Variants in ZNF469 observed in about 807,000 individuals in gnomAD.
ZNF469 encodes zinc finger protein 469.
A neutral mutation model predicts 1.0 loss-of-function variants in ZNF469; 1 was observed. The ratio of observed to expected loss-of-function variants is 1.00; its 90% CI spans 0.35 to 4.73. ZNF469 has a LOEUF of 4.73. ZNF469 is among the 30% of genes most tolerant of loss of function. The pLI is 0.16. For missense variants in ZNF469, 6,100 were observed against 5,356.3 expected (o/e 1.14, Z -4.33); for synonymous variants, 2,703 against 2,363.4 (o/e 1.14, Z -4.17).
chr16:88,264,721 C>G, the ZNF469 span, among the ~76,000 whole-genome samples: 1 of 152,114 alleles, frequency 6.6e-6, no homozygotes, highest in African/African-American at 2.4e-5. Context: ...CACAGGTCCC[C>G]GCTCCCCCGA....
At chr16:88,353,553 T>C in the ZNF469 span, among the ~76,000 whole-genome samples, 1 of 152,218 alleles carries the variant, frequency 6.6e-6, no homozygotes, top group Non-Finnish European at 1.5e-5. Context: ...CACTGCTGCC[T>C]GCCCAGAGAG....
the ZNF469 span, among the ~76,000 whole-genome samples, chr16:88,216,680 T>C: frequency 6.6e-6 from 1 of 152,200 alleles, no homozygotes; most frequent in Non-Finnish European, 1.5e-5. Flanking sequence ...TTTATCATGC[T>C]TCTGATTGAA....
At chr16:88,114,031 G>C in the ZNF469 span, among the ~76,000 whole-genome samples, 1 of 152,156 alleles carries the variant, frequency 6.6e-6, no homozygotes, top group Non-Finnish European at 1.5e-5. Context: ...GGCTAAGGAA[G>C]GGTCTCCCCC....
At chr16:88,317,101 G>T in the ZNF469 span, among the ~76,000 whole-genome samples, 1 of 152,178 alleles carries the variant, frequency 6.6e-6, no homozygotes, top group African/African-American at 2.4e-5. Flanking sequence ...TGAGGAGAGC[G>T]CCACATGGGC....
the ZNF469 span, among the ~76,000 whole-genome samples, chr16:88,179,186 G>A: frequency 6.6e-6 from 1 of 152,174 alleles, no homozygotes; most frequent in Admixed American, 6.5e-5. Context: ...CACATCTCAT[G>A]TTGAAATGTA....
chr16:88,102,806 CCT>C, the ZNF469 span, among the ~76,000 whole-genome samples: 131 of 152,362 alleles, frequency 8.6e-4, no homozygotes, highest in Non-Finnish European at 1.4e-3. Flanking sequence ...CCGCAGGGCC[CCT>C]GATCGCCGCC....
chr16:88,339,703 G>T, the ZNF469 span, among the ~76,000 whole-genome samples: 1 of 92,412 alleles, frequency 1.1e-5, no homozygotes, highest in Non-Finnish European at 2.3e-5. Flanking sequence ...GCAGAGGGAG[G>T]GGGGACATGG....
the ZNF469 span, among the ~76,000 whole-genome samples, chr16:88,236,515 A>T: frequency 1.3e-5 from 2 of 152,216 alleles, no homozygotes; most frequent in Non-Finnish European, 2.9e-5. Context: ...TTTCAGGTTT[A>T]CTTTGGAATC....
At chr16:88,173,725 C>T in the ZNF469 span, among the ~76,000 whole-genome samples, 1 of 152,162 alleles carries the variant, frequency 6.6e-6, no homozygotes, top group Admixed American at 6.5e-5. Flanking sequence ...AAGTACACCA[C>T]TCAGTGATTC....
chr16:88,218,421 T>A, the ZNF469 span, among the ~76,000 whole-genome samples: 1 of 151,034 alleles, frequency 6.6e-6, no homozygotes, highest in Non-Finnish European at 1.5e-5. Flanking sequence ...TAGTTTCTTT[T>A]GCTGTGCAGA....
chr16:88,139,000 A>T, the ZNF469 span, among the ~76,000 whole-genome samples: 5 of 152,262 alleles, frequency 3.3e-5, no homozygotes, highest in South Asian at 2.1e-4. Flanking sequence ...CCCTGTCCCA[A>T]TGTAAACACA....
At chr16:88,421,637 G>A (rs972520386) in intron 1 of ZNF469, among the ~76,000 whole-genome samples, 6 of 152,204 alleles carry the variant, frequency 3.9e-5, no homozygotes, top group African/African-American at 7.2e-5. Flanking sequence ...AGTTCTGCCC[G>A]CAAGCTGGGC....
chr16:88,391,092 G>A (rs1228667287), intron 1 of ZNF469, among the ~76,000 whole-genome samples: 1 of 152,256 alleles, frequency 6.6e-6, no homozygotes, highest in Non-Finnish European at 1.5e-5. Flanking sequence ...CATTTGGGAG[G>A]TGTGATATAG....
At chr16:88,248,461 C>T in the ZNF469 span, among the ~76,000 whole-genome samples, 1 of 152,226 alleles carries the variant, frequency 6.6e-6, no homozygotes, top group Admixed American at 6.5e-5. Context: ...CTTGTAATCC[C>T]AGCACTTTGG....
the ZNF469 span, among the ~76,000 whole-genome samples, chr16:88,319,522 A>G: frequency 2.6e-5 from 4 of 152,068 alleles, no homozygotes; most frequent in East Asian, 7.7e-4. Context: ...GGGTCCTGCC[A>G]ATGATCCCTT....
chr16:88,129,880 G>C, the ZNF469 span, among the ~76,000 whole-genome samples: 1 of 152,210 alleles, frequency 6.6e-6, no homozygotes, highest in Admixed American at 6.5e-5. Context: ...AAAAGAAAAA[G>C]AAGGCTATTG....
chr16:88,248,763 A>T, the ZNF469 span, among the ~76,000 whole-genome samples: 2 of 152,178 alleles, frequency 1.3e-5, no homozygotes, highest in African/African-American at 4.8e-5. Context: ...GGGTACAGGG[A>T]GGTCCAGCCA....
the ZNF469 span, among the ~76,000 whole-genome samples, chr16:88,196,792 C>A: frequency 6.6e-6 from 1 of 152,226 alleles, no homozygotes; most frequent in Non-Finnish European, 1.5e-5. Context: ...CCAGGCCACA[C>A]AGAGCAGGAG....
the ZNF469 span, among the ~76,000 whole-genome samples, chr16:88,133,690 AAATT>A: frequency 2.0e-5 from 3 of 150,566 alleles, no homozygotes; most frequent in African/African-American, 4.9e-5. Flanking sequence ...AATAATTATT[AAATT>A]AATTAACTAA....
Sources: allele counts gnomAD v4.1 joint callset (sites outside exome capture counted in the v4.1 genomes callset), GRCh38; gene constraint gnomAD v4.1.1; transcripts MANE v1.5; gene names NCBI Gene and HGNC (gene_info 2026-07-23, HGNC 2026-07-21).